The following SMIM41 variants were observed in gnomAD, a reference collection of about 807,000 sequenced individuals.
The protein encoded by SMIM41 is small integral membrane protein 41.
chr12:52,101,844 C>G (rs1305127874), intron 2 of SMIM41, among the ~76,000 whole-genome samples: 1 of 152,110 alleles, frequency 6.6e-6, no homozygotes, highest in Non-Finnish European at 1.5e-5. Flanking sequence ...TCCCGAGTAG[C>G]TGGGATTACA....
chr12:52,085,994 C>T (rs1939886747), intron 2 of SMIM41, among the ~76,000 whole-genome samples: 1 of 152,082 alleles, frequency 6.6e-6, no homozygotes, highest in African/African-American at 2.4e-5. Flanking sequence ...AGTTCTGAGC[C>T]CTGATGCTGC....
At chr12:52,092,182 T>G (rs1408373060) in intron 2 of SMIM41, 5 of 152,242 alleles carry the variant, frequency 3.3e-5, no homozygotes, top group Admixed American at 3.3e-4. Context: ...CTTTGCTGCC[T>G]GCTGGTTCCC....
chr12:52,092,908 A>G, intron 2 of SMIM41, among the ~76,000 whole-genome samples: 1 of 152,224 alleles, frequency 6.6e-6, no homozygotes, highest in East Asian at 1.9e-4. Context: ...TGGGCTGGGC[A>G]TGGCGGCTCA....
At chr12:52,088,522 G>T (rs1308773679) in intron 2 of SMIM41, among the ~76,000 whole-genome samples, 1 of 152,186 alleles carries the variant, frequency 6.6e-6, no homozygotes, top group East Asian at 1.9e-4. Context: ...TCCCTGGCAG[G>T]TTCTGCATCT....
chr12:52,081,144 A>G lies in SMIM41; in HGVS notation c.*120+963A>G, dbSNP rs1939813800. Among the ~76,000 whole-genome samples, 2 of 152,142 alleles carry G rather than the reference A, an allele frequency of 1.3e-5. No individual in the cohort carries two copies. Among genetic ancestry groups the G allele is most frequent in the South Asian group, 4.1e-4 (2 of 4,828 alleles). On this transcript the variant is annotated intron_variant, in intron 1 of 2. Coordinates refer to ENST00000546390, the MANE Select transcript of SMIM41 (RefSeq NM_001369216.1). The surrounding 1 kb of genome is among the most constrained non-coding windows in gnomAD (Gnocchi z 4.1). The stretch of plus-strand genomic sequence containing the variant: ...GGCGAAAGCCACCTGGGACAGAGCC[A>G]CAGGGGCTGGAGAGGCCTTCTCTGT...
chr12:52,094,089 C>T (rs1940049012), intron 2 of SMIM41, among the ~76,000 whole-genome samples: 1 of 144,400 alleles, frequency 6.9e-6, no homozygotes, highest in Non-Finnish European at 1.5e-5. Context: ...TGAGATTGCA[C>T]CACTGCACTC....
At chr12:52,085,469 A>G (rs1270727081) in intron 2 of SMIM41, among the ~76,000 whole-genome samples, 1 of 152,200 alleles carries the variant, frequency 6.6e-6, no homozygotes, top group Non-Finnish European at 1.5e-5. Flanking sequence ...AGATCCACAC[A>G]TTTAGGGTGC....
At chr12:52,106,320 T>C (rs1168955663) in intron 2 of SMIM41, among the ~76,000 whole-genome samples, 1 of 152,184 alleles carries the variant, frequency 6.6e-6, no homozygotes, top group Admixed American at 6.5e-5. Context: ...GTCATCAGTG[T>C]GACTTCGACT....
Position 52,081,496 on chromosome 12 carries a change from C to T in SMIM41, c.*120+1315C>T, listed in dbSNP as rs567193232. On this transcript the variant is annotated intron_variant, in intron 1 of 2. Coordinates refer to ENST00000546390, the MANE Select transcript of SMIM41 (RefSeq NM_001369216.1). The surrounding 1 kb of genome is among the most constrained non-coding windows in gnomAD (Gnocchi z 4.1). Reference sequence around the variant, plus strand: ...ACTGGCCTTGCTGAGCCAGGGACTTCTCACCTCAGGGCCCCCTCAGCTCCC... The same window carrying T: ...ACTGGCCTTGCTGAGCCAGGGACTTTTCACCTCAGGGCCCCCTCAGCTCCC... Among the ~76,000 whole-genome samples, 30 of 152,236 alleles carry T rather than the reference C, an allele frequency of 2.0e-4. No homozygotes were observed. Among genetic ancestry groups the T allele is most frequent in the African/African-American group, 6.7e-4 (28 of 41,528 alleles).
At chr12:52,100,131 C>T (rs1218572545) in intron 2 of SMIM41, among the ~76,000 whole-genome samples, 2 of 152,094 alleles carry the variant, frequency 1.3e-5, no homozygotes, top group Non-Finnish European at 2.9e-5. Flanking sequence ...TATACATTTC[C>T]TACGCTGTTG....
rs554665038 is a variant in SMIM41, at chr12:52,095,262, G to A, written c.*195+11294G>A. ...GGGGGTCGGGCGCCCCCCGCGATGC[G>A]GGGAGTAACATCTCCCCCCTCTCCC... On this transcript the variant is annotated intron_variant, in intron 2 of 2. Transcript: ENST00000546390. Among the ~76,000 whole-genome samples, 11 of 151,926 alleles carry A rather than the reference G, an allele frequency of 7.2e-5. No homozygotes were observed. In the South Asian group the frequency reaches 1.9e-3, roughly 26 times the overall value.
rs1156698083 is a variant in SMIM41 at position 52,081,019 on chromosome 12, C to T, written c.*120+838C>T. On this transcript the variant is annotated intron_variant, in intron 1 of 2. Coordinates refer to ENST00000546390, the MANE Select transcript of SMIM41 (RefSeq NM_001369216.1). The surrounding 1 kb of genome is among the most constrained non-coding windows in gnomAD (Gnocchi z 4.1). ...TCCGGGAAGTGGGGCTGAGGATTTC[C>T]AGCTGTGGGGGCTCTGTCTGGGTGT... Among the ~76,000 whole-genome samples the T allele has an allele frequency of 6.6e-6, 1 of 152,104 alleles. No homozygotes were observed. The highest frequency in any genetic ancestry group is 1.9e-4 in the East Asian group (1 of 5,180).
At chr12:52,097,170 A>C (rs1164418259) in intron 2 of SMIM41, among the ~76,000 whole-genome samples, 1 of 151,982 alleles carries the variant, frequency 6.6e-6, no homozygotes, top group Non-Finnish European at 1.5e-5. Context: ...ATTGTTCCTA[A>C]TATTCAGGGG....
intron 2 of SMIM41, among the ~76,000 whole-genome samples, chr12:52,090,767 C>T (rs892630575): frequency 6.6e-6 from 1 of 152,190 alleles, no homozygotes; most frequent in Non-Finnish European, 1.5e-5. Flanking sequence ...CATGAGTTCT[C>T]AGTTGTTGGA....
chr12:52,081,524 C>A lies in SMIM41; in HGVS notation c.*120+1343C>A, dbSNP rs369821310. Reference sequence around the variant, plus strand: ...ACCTCAGGGCCCCCTCAGCTCCCCCCACTCCACCCCCTAGGAGGGAGGGTT... The same window carrying A: ...ACCTCAGGGCCCCCTCAGCTCCCCCAACTCCACCCCCTAGGAGGGAGGGTT... On this transcript the variant is annotated intron_variant, in intron 1 of 2. Coordinates refer to ENST00000546390, the MANE Select transcript of SMIM41 (RefSeq NM_001369216.1). This position sits in a 1 kb window ranked among gnomAD's most constrained non-coding sequence, Gnocchi z 4.1. Among the ~76,000 whole-genome samples the A allele has an allele frequency of 2.6e-5, 4 of 152,046 alleles. No individual in the cohort carries two copies. The highest frequency in any genetic ancestry group is 2.9e-5 in the Non-Finnish European group (2 of 67,940).
At chr12:52,082,245 G>A (rs1278526161) in intron 1 of SMIM41, among the ~76,000 whole-genome samples, 1 of 152,234 alleles carries the variant, frequency 6.6e-6, no homozygotes, top group African/African-American at 2.4e-5. Context: ...TTTGGCCTTT[G>A]GGCTCAAGTT....
In SMIM41 at chr12:52,079,930, G is replaced by T; in HGVS notation, c.151G>T (p.Val51Phe). The T allele has an allele frequency of 2.6e-6, 1 of 387,608 alleles. No homozygotes were observed. 24.0% of individuals were successfully genotyped at this position (387,608 alleles called of 1,614,324 possible). A position where few individuals can be genotyped will look rare whatever the true frequency, so the allele number is the denominator to read the frequency against. Reference sequence around the variant, plus strand: ...GCTGTCCCTGCTGGTGCTTTGCGGGGTCCTGTTCCTGGGCGGCGGCCTCCT... The same window carrying T: ...GCTGTCCCTGCTGGTGCTTTGCGGGTTCCTGTTCCTGGGCGGCGGCCTCCT... The part of the protein sequence containing the change: ...GVLSLLVLCG[V>F]LFLGGGLLLR... The change falls in exon 1 of 3, where the codon GTC (valine) becomes TTC (phenylalanine). Residue 51 changes from valine to phenylalanine, a missense_variant. Val to Phe is a conservative substitution (Grantham distance 50). Transcript: ENST00000546390.
At position 52,081,566 on chromosome 12, in the gene SMIM41, C is replaced by T. The variant is rs1268868224; in HGVS notation, c.*120+1385C>T. ...GGGAGGGTTGTCCAGGGCCCTGAGG[C>T]GTGTGTGTAGTGTGTCTGTTACTGC... On this transcript the variant is annotated intron_variant, in intron 1 of 2. Transcript: ENST00000546390. The surrounding 1 kb of genome is among the most constrained non-coding windows in gnomAD (Gnocchi z 4.1). Among the ~76,000 whole-genome samples the T allele has an allele frequency of 3.3e-5, 5 of 152,064 alleles. No individual in the cohort carries two copies. The highest frequency in any genetic ancestry group is 4.8e-5 in the African/African-American group (2 of 41,392).
At chr12:52,097,353 C>T (rs549243289) in intron 2 of SMIM41, among the ~76,000 whole-genome samples, 2 of 151,918 alleles carry the variant, frequency 1.3e-5, no homozygotes, top group Non-Finnish European at 2.9e-5. Flanking sequence ...ATATCACCCC[C>T]CCCCGGATAT....
Sources: gnomAD v4.1 joint callset for allele counts (sites outside exome capture counted in the v4.1 genomes callset) on GRCh38, gnomAD v4.1.1 for gene constraint, Gnocchi (gnomAD v3.1) non-coding constraint, MANE v1.5 for transcripts, NCBI Gene and HGNC (gene_info 2026-07-23, HGNC 2026-07-21) for gene names.